Variants in UNC13B observed in about 807,000 individuals in gnomAD.
UNC13B encodes protein unc-13 homolog B.
In UNC13B, 144 loss-of-function variants were observed where a neutral mutation model predicts 211.0. The observed-to-expected ratio is 0.68, with a 90% CI of 0.60 to 0.78. The LOEUF (loss-of-function observed/expected upper bound fraction) is 0.78. Among genes scored for constraint, UNC13B ranks in the 30% least tolerant of loss-of-function variants. UNC13B has a pLI of 0.00. For missense variants in UNC13B, 1,777 were observed against 2,002.0 expected (o/e 0.89, Z 2.14); for synonymous variants, 709 against 725.8 (o/e 0.98, Z 0.37).
Position 35,386,200 on chromosome 9 carries a change from G to A in UNC13B, c.11001G>A (p.Gln3667=). Residue 3667 remains glutamine (Q), a synonymous_variant, in exon 24 of 40, where the codon CAG becomes CAA. Coordinates refer to ENST00000635942, the MANE Select transcript of UNC13B (RefSeq NM_001371189.2). ...TGCAAAGCCCTCCAAGAGCCAGCCA[G>A]GTGGTAAAGGATTGTGTGAAGGCCT... is the stretch of plus-strand genomic sequence containing the variant. ...QELQSPPRAS[Q]VVKDCVKACL... is the part of the protein sequence containing the mutation. The A allele has an allele frequency of 6.2e-7, 1 of 1,614,194 alleles. No homozygotes were observed. Among genetic ancestry groups the A allele is most frequent in the Non-Finnish European group, 8.5e-7 (1 of 1,180,018 alleles).
At chr9:35,261,007 T>C (rs1358292594) in intron 7 of UNC13B, among the ~76,000 whole-genome samples, 1 of 152,196 alleles carries the variant, frequency 6.6e-6, no homozygotes, top group Non-Finnish European at 1.5e-5. Flanking sequence ...TTTTCATATG[T>C]TTACAGGCTA....
At chr9:35,183,545 G>T (rs1246038302) in intron 1 of UNC13B, among the ~76,000 whole-genome samples, 4 of 142,402 alleles carry the variant, frequency 2.8e-5, no homozygotes, top group Non-Finnish European at 6.1e-5. Context: ...CAGATGAAGG[G>T]CGGCCAGGCA....
rs762495942 is a variant in UNC13B, at chr9:35,390,663, G to A, written c.11257G>A (p.Ala3753Thr). ...GGAGTTGAATGTGGGAAAAGTCAGC[G>A]CAGAAGTGATGTGGCATTTGTTTGC... is the stretch of plus-strand genomic sequence containing the variant. ...PQELNVGKVS[A>T]EVMWHLFAQD... The change falls in exon 26 of 40, where the codon GCA becomes ACA. Residue 3753 changes from alanine (A) to threonine (T), a missense_variant. Coordinates refer to ENST00000635942, the MANE Select transcript of UNC13B (RefSeq NM_001371189.2). The A allele has an allele frequency of 1.2e-5, 19 of 1,614,018 alleles. No individual in the cohort carries two copies. The highest frequency in any genetic ancestry group is 6.7e-5 in the East Asian group (3 of 44,888).
At chr9:35,378,518 C>T (rs1834600345) in intron 17 of UNC13B, 82 bp downstream of exon 17, 1 of 1,573,420 alleles carries the variant, frequency 6.4e-7, no homozygotes, top group Non-Finnish European at 8.7e-7. Flanking sequence ...TGGGCTTGAG[C>T]TTGAAGATTG....
At chr9:35,173,404 A>G (rs1821436058) in intron 1 of UNC13B, among the ~76,000 whole-genome samples, 1 of 151,450 alleles carries the variant, frequency 6.6e-6, no homozygotes, top group African/African-American at 2.4e-5. Flanking sequence ...TCCTTTTGTA[A>G]TCTTAATCTT....
rs376617883 is a variant in UNC13B at position 35,167,862 on chromosome 9, C to T, written c.22+5557C>T. ...TTGTGATCTGCCCTCCTCGGCCCCC[C>T]AGAGTGCTGGGATTACAGGCGTGAG... On this transcript the variant is annotated intron_variant, in intron 1 of 39. Coordinates refer to ENST00000635942, the MANE Select transcript of UNC13B (RefSeq NM_001371189.2). Among the ~76,000 whole-genome samples the T allele has an allele frequency of 7.5e-4, 114 of 151,726 alleles. 4 individuals are homozygous for T. In the East Asian group the frequency reaches 0.02, roughly 26 times the overall value.
In UNC13B at chr9:35,398,874, A is replaced by C. The variant is rs756217750; in HGVS notation, c.11922-8A>C. Reference sequence around the variant, plus strand: ...GAGGGAAAGGCTACACTGCGGGCACATGTGTAGTTTCCAGGTACGGATTGA... The same window carrying C: ...GAGGGAAAGGCTACACTGCGGGCACCTGTGTAGTTTCCAGGTACGGATTGA... On this transcript the variant is annotated splice_polypyrimidine_tract_variant and splice_region_variant and intron_variant, in intron 32 of 39. Transcript: ENST00000635942. 2 of 1,612,328 alleles carry C rather than the reference A, an allele frequency of 1.2e-6. No homozygotes were observed. Among genetic ancestry groups the C allele is most frequent in the Admixed American group, 3.3e-5 (2 of 59,950 alleles).
chr9:35,288,534 G>A (rs1033464909), intron 7 of UNC13B, among the ~76,000 whole-genome samples: 4 of 152,246 alleles, frequency 2.6e-5, no homozygotes, highest in Non-Finnish European at 5.9e-5. Flanking sequence ...ACTATCCTCA[G>A]TAATTGTTCT....
chr9:35,401,867 C>T, intron 37 of UNC13B: 1 of 1,315,636 alleles, frequency 7.6e-7, no homozygotes, highest in Admixed American at 2.0e-5. Flanking sequence ...CTTTGAATGG[C>T]TGTTAACTCC....
At chr9:35,381,249 A>G in intron 19 of UNC13B, 34 bp downstream of exon 19, 1 of 1,585,658 alleles carries the variant, frequency 6.3e-7, no homozygotes, top group Middle Eastern at 1.9e-4. Flanking sequence ...GGGATCAGAA[A>G]GCAGTGCTGG....
chr9:35,327,873 G>T (rs946525140), intron 11 of UNC13B, among the ~76,000 whole-genome samples: 1 of 152,088 alleles, frequency 6.6e-6, no homozygotes, highest in East Asian at 1.9e-4. Flanking sequence ...TCTAATATAC[G>T]CATCTAGCTC....
rs987456576 is a variant in UNC13B, at chr9:35,237,757, G to T, written c.325G>T (p.Glu109Ter). 1.7e-5 allele frequency: 28 copies of T among 1,613,898 alleles called. No homozygotes were observed. The highest frequency in any genetic ancestry group is 2.4e-5 in the Non-Finnish European group (28 of 1,179,954). The change falls in exon 5 of 40, where the codon GAG becomes TAG. Residue 109 changes from glutamate to a stop codon, truncating the protein, a stop_gained. Coordinates refer to ENST00000635942, the MANE Select transcript of UNC13B (RefSeq NM_001371189.2). LOFTEE classifies it high-confidence loss of function. ...GGCAGAGACGTTAATGAAAGACGATGAGATCTGTGGAACTAGAAACCCAAC... is the reference window on the plus strand; with the variant it reads ...GGCAGAGACGTTAATGAAAGACGATTAGATCTGTGGAACTAGAAACCCAAC... The part of the protein sequence containing the change: ...LEAETLMKDD[E>*]ICGTRNPTPH...
intron 12 of UNC13B, among the ~76,000 whole-genome samples, chr9:35,369,892 T>C (rs1171443845): frequency 6.6e-6 from 1 of 152,204 alleles, no homozygotes; most frequent in Non-Finnish European, 1.5e-5. Context: ...ACTCTTGCCG[T>C]AGAGCCACCC....
chr9:35,352,975 G>C, intron 11 of UNC13B: 14 of 1,232,192 alleles, frequency 1.1e-5, no homozygotes, highest in Non-Finnish European at 1.3e-5. Flanking sequence ...TGAAGACAGA[G>C]AGAATAAACG....
rs931181455 is a variant in UNC13B at position 35,304,089 on chromosome 9, A to C, written c.4685A>C (p.Glu1562Ala). Reference protein sequence around the residue: ...AYLFIPDSYQEYLDCDLQTNG... With the variant: ...AYLFIPDSYQAYLDCDLQTNG... Reference sequence around the variant, plus strand: ...TTATTTATACCTGATTCTTATCAAGAGTATTTGGATTGTGATTTACAGACA... The same window carrying C: ...TTATTTATACCTGATTCTTATCAAGCGTATTTGGATTGTGATTTACAGACA... The change falls in exon 9 of 40, where the codon GAG becomes GCG. Residue 1562 changes from glutamate (E) to alanine (A), a missense_variant. Physicochemically the swap from Glu to Ala is moderately radical, Grantham distance 107. Coordinates refer to ENST00000635942, the MANE Select transcript of UNC13B (RefSeq NM_001371189.2). 2.5e-6 allele frequency: 1 copy of C among 398,662 alleles called. No homozygotes were observed. Among genetic ancestry groups the C allele is most frequent in the African/African-American group, 2.1e-5 (1 of 48,614 alleles). 24.7% of individuals were successfully genotyped at this position (398,662 alleles called of 1,614,324 possible).
chr9:35,284,511 TG>T lies in UNC13B; in HGVS notation c.527-11183del, dbSNP rs541367802. Among the ~76,000 whole-genome samples the T allele has an allele frequency of 7.9e-5, 12 of 152,364 alleles. No individual in the cohort carries two copies. In the South Asian group the frequency reaches 2.5e-3, roughly 32 times the overall value. The stretch of plus-strand genomic sequence containing the variant: ...TTCTAAAATATAACCTACTTGGTTA[TG>T]GTGAATTATTCTTTTACTATAATGC... On this transcript the variant is annotated intron_variant, in intron 7 of 39. Coordinates refer to ENST00000635942, the MANE Select transcript of UNC13B (RefSeq NM_001371189.2).
chr9:35,342,078 G>A (rs933714049), intron 11 of UNC13B: 1 of 985,256 alleles, frequency 1.0e-6, no homozygotes, highest in African/African-American at 1.7e-5. Context: ...TTTTTTGCAG[G>A]GCATTGTTTC....
intron 1 of UNC13B, among the ~76,000 whole-genome samples, chr9:35,162,808 T>C (rs938797400): frequency 1.3e-5 from 2 of 152,350 alleles, no homozygotes; most frequent in East Asian, 3.9e-4. Context: ...TAGTATAGGC[T>C]AAGATTATTC....
chr9:35,392,653 GA>G (rs1163623186), intron 26 of UNC13B, among the ~76,000 whole-genome samples: 1 of 134,444 alleles, frequency 7.4e-6, no homozygotes, highest in Non-Finnish European at 1.6e-5. Context: ...GGGGTAGGGG[GA>G]GGGGGGAGGG....
Sources: allele counts gnomAD v4.1 joint callset (sites outside exome capture counted in the v4.1 genomes callset), GRCh38; gene constraint gnomAD v4.1.1; transcripts MANE v1.5; gene names NCBI Gene and HGNC (gene_info 2026-07-23, HGNC 2026-07-21).